Variants in ZNF469 observed in about 807,000 individuals in gnomAD.
The protein encoded by ZNF469 is zinc finger protein 469.
ZNF469 carries 1 observed loss-of-function variant against 1.0 expected under a neutral mutation model. The observed-to-expected ratio is 1.00, with a 90% CI of 0.35 to 4.73. The LOEUF is 4.73. Among genes scored for constraint, ZNF469 ranks in the 30% most tolerant of loss-of-function variants. ZNF469 has a pLI of 0.16. For synonymous variants in ZNF469, 2,703 were observed against 2,363.4 expected (o/e 1.14, Z -4.17); for missense variants, 6,100 against 5,356.3 (o/e 1.14, Z -4.33).
the ZNF469 span, among the ~76,000 whole-genome samples, chr16:88,364,390 G>A: frequency 2.0e-5 from 3 of 149,894 alleles, no homozygotes; most frequent in African/African-American, 7.4e-5. Flanking sequence ...TCTTGTGGTG[G>A]AAGCCTTCCA....
At position 88,428,978 on chromosome 16, in the gene ZNF469, G is replaced by A. The variant is rs550263442; in HGVS notation, c.1508G>A (p.Arg503Gln). ...PSPHGMEMLS[R>Q]LPFPAGGPEW... ...CCCCACGGAATGGAGATGCTGAGCC[G>A]GCTGCCTTTCCCCGCGGGGGGCCCC... The change falls in exon 3 of 3, where the codon CGG becomes CAG. Residue 503 changes from arginine to glutamine, a missense_variant. Coordinates refer to ENST00000565624, the MANE Select transcript of ZNF469 (RefSeq NM_001367624.2). The A allele has an allele frequency of 4.6e-5, 71 of 1,548,828 alleles. No individual in the cohort carries two copies. The highest frequency in any genetic ancestry group is 1.2e-4 in the Admixed American group (6 of 50,970).
At chr16:88,353,512 G>A in the ZNF469 span, among the ~76,000 whole-genome samples, 2 of 152,188 alleles carry the variant, frequency 1.3e-5, no homozygotes, top group Non-Finnish European at 2.9e-5. Context: ...GGGCCTTTGC[G>A]CACAACGCCC....
At chr16:88,396,461 GCGGAGACCC>G in intron 1 of ZNF469, among the ~76,000 whole-genome samples, 1 of 150,422 alleles carries the variant, frequency 6.6e-6, no homozygotes. Context: ...GGGAGGCCGG[GCGGAGACCC>G]TCCTGAAGGG....
chr16:88,252,122 C>G, the ZNF469 span, among the ~76,000 whole-genome samples: 4 of 141,862 alleles, frequency 2.8e-5, no homozygotes, highest in South Asian at 6.7e-4. Context: ...GGGGCATGCA[C>G]TCATTTAAAA....
At position 88,437,005 on chromosome 16, in the gene ZNF469, A is replaced by G; in HGVS notation, c.9535A>G (p.Met3179Val). 6.6e-7 allele frequency: 1 copy of G among 1,523,902 alleles called. No individual in the cohort carries two copies. Among genetic ancestry groups the G allele is most frequent in the East Asian group, 2.5e-5 (1 of 40,580 alleles). 94.4% of individuals were successfully genotyped at this position (1,523,902 alleles called of 1,614,324 possible). ...CAAGGCCGGGCCCTGGGCGTGCGGC[A>G]TGTGCCTGAAGGAGGTGGCCGACGT... The part of the protein sequence containing the change: ...QSKAGPWACG[M>V]CLKEVADVWM... The change falls in exon 3 of 3, where the codon ATG (methionine) becomes GTG (valine). Residue 3179 changes from methionine (M) to valine (V), a missense_variant. Coordinates refer to ENST00000565624, the MANE Select transcript of ZNF469 (RefSeq NM_001367624.2).
chr16:88,401,713 AGATGGATGGGTGGATGGGTG>A (rs1904873054), intron 1 of ZNF469, among the ~76,000 whole-genome samples: 1 of 70,900 alleles, frequency 1.4e-5, no homozygotes, highest in Non-Finnish European at 2.9e-5. Context: ...ATATATGGGT[AGATGGATGGGTGGATGGGTG>A]GATGGATGGG....
chr16:88,359,570 C>G, the ZNF469 span, among the ~76,000 whole-genome samples: 1 of 152,130 alleles, frequency 6.6e-6, no homozygotes, highest in Admixed American at 6.5e-5. Flanking sequence ...TCGGGATAGC[C>G]TTTTTTTGTG....
chr16:88,163,413 T>C, the ZNF469 span, among the ~76,000 whole-genome samples: 1 of 147,076 alleles, frequency 6.8e-6, no homozygotes, highest in Non-Finnish European at 1.5e-5. Flanking sequence ...AATAGATGGG[T>C]AGATAGGTGG....
At position 88,434,776 on chromosome 16, in the gene ZNF469, G is replaced by C; in HGVS notation, c.7306G>C (p.Gly2436Arg). 1.3e-6 allele frequency: 2 copies of C among 1,550,332 alleles called. No homozygotes were observed. The highest frequency in any genetic ancestry group is 2.4e-5 in the East Asian group (1 of 40,922). The part of the protein sequence containing the change: ...HRNASHQTPQ[G>R]DPLGPQDLKQ... ...AAATGCCTCCCACCAGACTCCCCAG[G>C]GGGACCCCCTCGGCCCCCAAGACCT... The change falls in exon 3 of 3, where the codon GGG becomes CGG. Residue 2436 changes from glycine to arginine, a missense_variant. By Grantham distance (125) the Gly-to-Arg change is moderately radical. Coordinates refer to ENST00000565624, the MANE Select transcript of ZNF469 (RefSeq NM_001367624.2).
chr16:88,267,620 G>A, the ZNF469 span, among the ~76,000 whole-genome samples: 10 of 152,230 alleles, frequency 6.6e-5, no homozygotes, highest in Admixed American at 1.3e-4. Context: ...AGGCTGGCCT[G>A]GCAGGAGGTC....
the ZNF469 span, among the ~76,000 whole-genome samples, chr16:88,257,530 C>A: frequency 6.6e-6 from 1 of 152,160 alleles, no homozygotes; most frequent in Non-Finnish European, 1.5e-5. Context: ...TCCAGCTTAT[C>A]AATTATTTCT....
chr16:88,413,068 C>G (rs17782451), intron 1 of ZNF469, among the ~76,000 whole-genome samples: 4,801 of 152,110 alleles, frequency 0.032, 151 homozygotes, highest in East Asian at 0.12. Context: ...GGTGTGGCAT[C>G]CCCATTGCTC....
At chr16:88,414,006 C>T (rs1465798389) in intron 1 of ZNF469, among the ~76,000 whole-genome samples, 2 of 152,154 alleles carry the variant, frequency 1.3e-5, no homozygotes, top group Non-Finnish European at 2.9e-5. Context: ...ACCCCAAGAC[C>T]ATGCGGTGGA....
the ZNF469 span, among the ~76,000 whole-genome samples, chr16:88,239,662 TTTTTGTATATATATATATA>T: frequency 1.7e-3 from 161 of 95,392 alleles, 4 homozygotes; most frequent in African/African-American, 6.1e-3. Flanking sequence ...TTATTTTTTT[TTTTTGTATATATATATATA>T]TATATATATA....
chr16:88,433,754 C>T lies in ZNF469; in HGVS notation c.6284C>T (p.Pro2095Leu), dbSNP rs2142309134. 1 of 1,549,390 alleles carries T rather than the reference C, an allele frequency of 6.5e-7. No homozygotes were observed. The highest frequency in any genetic ancestry group is 1.2e-5 in the South Asian group (1 of 84,060). The part of the protein sequence containing the change: ...ERASSPGLNK[P>L]LLATGDSPAP... ...GCGTCCAGCCCCGGCCTGAACAAGC[C>T]ACTGCTGGCCACAGGGGATAGCCCA... Residue 2095 changes from proline to leucine, a missense_variant, in exon 3 of 3, where the codon CCA (proline) becomes CTA (leucine). Pro to Leu is a moderately conservative substitution (Grantham distance 98). Coordinates refer to ENST00000565624, the MANE Select transcript of ZNF469 (RefSeq NM_001367624.2).
At chr16:88,220,329 T>G in the ZNF469 span, among the ~76,000 whole-genome samples, 2 of 152,172 alleles carry the variant, frequency 1.3e-5, no homozygotes, top group African/African-American at 4.8e-5. Flanking sequence ...AACCCTGCTA[T>G]AAAACCTGGA....
the ZNF469 span, among the ~76,000 whole-genome samples, chr16:88,294,162 G>A: frequency 6.6e-6 from 1 of 152,192 alleles, no homozygotes; most frequent in African/African-American, 2.4e-5. Context: ...GTTGCTTGTG[G>A]CAGAAACACA....
At chr16:88,237,460 C>G in the ZNF469 span, among the ~76,000 whole-genome samples, 33 of 75,712 alleles carry the variant, frequency 4.4e-4, 1 homozygote, top group African/African-American at 1.1e-3. Context: ...GCTCCTGCCA[C>G]TCACCCTCCC....
the ZNF469 span, among the ~76,000 whole-genome samples, chr16:88,203,046 G>A: frequency 5.3e-5 from 8 of 152,300 alleles, no homozygotes; most frequent in South Asian, 4.1e-4. Context: ...AAATCGGAGC[G>A]GGGGCGGGGG....
Sources: gnomAD v4.1 joint callset for allele counts (sites outside exome capture counted in the v4.1 genomes callset) on GRCh38, gnomAD v4.1.1 for gene constraint, MANE v1.5 for transcripts, NCBI Gene and HGNC (gene_info 2026-07-23, HGNC 2026-07-21) for gene names.